Variants in MGMT observed in about 807,000 individuals in gnomAD.
MGMT encodes the protein O-6-methylguanine-DNA methyltransferase.
A neutral mutation model predicts 15.9 loss-of-function variants in MGMT; 14 were observed. The observed-to-expected ratio is 0.88, with a 90% CI of 0.58 to 1.37. The LOEUF (loss-of-function observed/expected upper bound fraction) is 1.37. MGMT is among the 40% of genes most tolerant of loss of function. MGMT has a pLI of 0.00. For missense variants in MGMT, 282 were observed against 268.1 expected (o/e 1.05, Z -0.36); for synonymous variants, 130 against 118.2 (o/e 1.10, Z -0.65).
intron 2 of MGMT, among the ~76,000 whole-genome samples, chr10:129,585,208 TAATC>T (rs755388912): frequency 1.8e-4 from 28 of 152,272 alleles, no homozygotes; most frequent in African/African-American, 5.5e-4. Context: ...AACGGGCAAA[TAATC>T]AAGCTGGGAA....
intron 1 of MGMT, among the ~76,000 whole-genome samples, chr10:129,495,080 A>T (rs1845507206): frequency 6.6e-6 from 1 of 152,236 alleles, no homozygotes. Flanking sequence ...CCATGCACAC[A>T]TTCTTTCCTT....
chr10:129,583,112 CTG>C (rs1330470287), intron 2 of MGMT, among the ~76,000 whole-genome samples: 1 of 152,148 alleles, frequency 6.6e-6, no homozygotes, highest in African/African-American at 2.4e-5. Context: ...GAAAAGAAGT[CTG>C]TGTGGTTTCC....
In MGMT at chr10:129,556,686, C is replaced by T. The variant is rs538084106; in HGVS notation, c.125+20309C>T. Among the ~76,000 whole-genome samples the T allele has an allele frequency of 2.0e-5, 3 of 152,196 alleles. No individual in the cohort carries two copies. The highest frequency in any genetic ancestry group is 7.2e-5 in the African/African-American group (3 of 41,522). On this transcript the variant is annotated intron_variant, in intron 2 of 4. Coordinates refer to ENST00000651593, the MANE Select transcript of MGMT (RefSeq NM_002412.5). This position sits in a 1 kb window ranked among gnomAD's most constrained non-coding sequence, Gnocchi z 4.3. ...ACGGCAAAGTCAGGACGGGCAGGAGCGTTCTAGGCAAATGATGAAAATGGT... is the reference window on the plus strand; with the variant it reads ...ACGGCAAAGTCAGGACGGGCAGGAGTGTTCTAGGCAAATGATGAAAATGGT...
chr10:129,744,081 C>T (rs1848667067), intron 3 of MGMT, among the ~76,000 whole-genome samples: 2 of 152,210 alleles, frequency 1.3e-5, no homozygotes, highest in East Asian at 1.9e-4. Context: ...GCCTCAAGTA[C>T]GTGTTTGAAA....
At chr10:129,749,281 T>G (rs1457913788) in intron 3 of MGMT, among the ~76,000 whole-genome samples, 1 of 152,190 alleles carries the variant, frequency 6.6e-6, no homozygotes, top group African/African-American at 2.4e-5. Context: ...GTGCTCCACC[T>G]ATTCAGTCCC....
intron 1 of MGMT, among the ~76,000 whole-genome samples, chr10:129,485,093 C>T (rs1196671908): frequency 6.6e-6 from 1 of 151,968 alleles, no homozygotes; most frequent in Non-Finnish European, 1.5e-5. Context: ...GAAATATTCC[C>T]AGCTCTGTCT....
intron 2 of MGMT, among the ~76,000 whole-genome samples, chr10:129,654,361 C>T (rs1330434530): frequency 3.9e-5 from 6 of 152,038 alleles, no homozygotes; most frequent in Non-Finnish European, 8.8e-5. Flanking sequence ...CACGCGGGGT[C>T]GGGCACCTGC....
At chr10:129,732,511 T>C (rs1483373155) in intron 3 of MGMT, among the ~76,000 whole-genome samples, 4 of 151,950 alleles carry the variant, frequency 2.6e-5, no homozygotes. Flanking sequence ...TGCATGGTAT[T>C]CCATAGTGTA....
At chr10:129,559,173 T>C (rs1187266718) in intron 2 of MGMT, among the ~76,000 whole-genome samples, 1 of 152,210 alleles carries the variant, frequency 6.6e-6, no homozygotes, top group African/African-American at 2.4e-5. Context: ...GTGACTTCAC[T>C]GATACTAAGA....
chr10:129,498,184 G>A (rs1314110118), intron 1 of MGMT, among the ~76,000 whole-genome samples: 2 of 152,194 alleles, frequency 1.3e-5, no homozygotes, highest in Admixed American at 1.3e-4. Context: ...GTGCCCCCTT[G>A]GGCCATCCTG....
intron 1 of MGMT, among the ~76,000 whole-genome samples, chr10:129,485,311 C>T (rs749373588): frequency 1.4e-3 from 220 of 152,268 alleles, no homozygotes; most frequent in Non-Finnish European, 2.7e-3. Context: ...TAATCTCTCT[C>T]CCCACTTTGG....
intron 2 of MGMT, among the ~76,000 whole-genome samples, chr10:129,594,640 T>G (rs1295999976): frequency 6.6e-6 from 1 of 152,232 alleles, no homozygotes; most frequent in East Asian, 1.9e-4. Context: ...ATTGTTCCCA[T>G]CAGCTCCAGC....
At chr10:129,754,347 A>G (rs1282265807) in intron 3 of MGMT, among the ~76,000 whole-genome samples, 1 of 152,176 alleles carries the variant, frequency 6.6e-6, no homozygotes, top group Non-Finnish European at 1.5e-5. Context: ...GGGTCCAAGC[A>G]TTAGGAAGAC....
At chr10:129,679,784 C>G (rs989245242) in intron 2 of MGMT, among the ~76,000 whole-genome samples, 1 of 152,168 alleles carries the variant, frequency 6.6e-6, no homozygotes, top group Non-Finnish European at 1.5e-5. Context: ...TCATAGAAAA[C>G]AAACCTAATG....
At chr10:129,606,899 T>G (rs1846897965) in intron 2 of MGMT, among the ~76,000 whole-genome samples, 1 of 152,230 alleles carries the variant, frequency 6.6e-6, no homozygotes, top group South Asian at 2.1e-4. Flanking sequence ...GCAATGCATT[T>G]TTGTAGGAAT....
At position 129,628,627 on chromosome 10, in the gene MGMT, G is replaced by T. The variant is rs1005041212; in HGVS notation, c.126-79268G>T. 1.6e-4 allele frequency among the ~76,000 whole-genome samples: 25 copies of T among 152,172 alleles called. 1 individual carries two copies. The highest frequency in any genetic ancestry group is 2.1e-4 in the South Asian group (1 of 4,828). On this transcript the variant is annotated intron_variant, in intron 2 of 4. Coordinates refer to ENST00000651593, the MANE Select transcript of MGMT (RefSeq NM_002412.5). ...AACCAGTGGGTTTTACATGGGGAAA[G>T]AACTCAATGAGTCCACAGTTCGTGT...
At chr10:129,635,699 T>C (rs764738195) in intron 2 of MGMT, among the ~76,000 whole-genome samples, 3 of 152,262 alleles carry the variant, frequency 2.0e-5, no homozygotes, top group Non-Finnish European at 2.9e-5. Context: ...CTAAACTTTC[T>C]GATCATCGAT....
chr10:129,616,195 A>C (rs1197757044), intron 2 of MGMT, among the ~76,000 whole-genome samples: 1 of 152,206 alleles, frequency 6.6e-6, no homozygotes, highest in Non-Finnish European at 1.5e-5. Context: ...TGGAGAACGG[A>C]GGCTCCCACC....
chr10:129,647,882 A>G (rs1024576058), intron 2 of MGMT, among the ~76,000 whole-genome samples: 2 of 152,212 alleles, frequency 1.3e-5, no homozygotes, highest in African/African-American at 4.8e-5. Context: ...ATGTTCTTTT[A>G]CATAAAGCCT....
Sources: gnomAD v4.1 joint callset for allele counts (sites outside exome capture counted in the v4.1 genomes callset) on GRCh38, gnomAD v4.1.1 for gene constraint, Gnocchi (gnomAD v3.1) non-coding constraint, MANE v1.5 for transcripts, NCBI Gene and HGNC (gene_info 2026-07-23, HGNC 2026-07-21) for gene names.